DSE: variants seen among roughly 807,000 people sequenced by gnomAD.
DSE encodes dermatan-sulfate epimerase.
In DSE, 36 loss-of-function variants were observed where a neutral mutation model predicts 84.4. The ratio of observed to expected loss-of-function variants is 0.43; its 90% CI spans 0.33 to 0.56. The LOEUF (loss-of-function observed/expected upper bound fraction) is 0.56. DSE is among the 20% of genes least tolerant of loss of function. The pLI is 0.06. For missense variants in DSE, 862 were observed against 1,169.6 expected, an observed-to-expected ratio of 0.74 and a Z score of 3.84; for synonymous variants, 410 against 430.1, an observed-to-expected ratio of 0.95 and a Z score of 0.58.
Position 116,438,077 on chromosome 6 carries a change from A to ATAACT in DSE, c.*735_*736insCTTAA, listed in dbSNP as rs4031589. 0.74 allele frequency: 112,333 copies of ATAACT among 151,798 alleles called. 42,029 individuals are homozygous for ATAACT. Among genetic ancestry groups the ATAACT allele is most frequent in the African/African-American group, 0.8 (32,883 of 41,268 alleles). The allele number at this position is 151,798 out of a possible 1,614,324, so 9.4% of individuals were successfully genotyped here. A position where few individuals can be genotyped will look rare whatever the true frequency, so the allele number is the denominator to read the frequency against. The stretch of plus-strand genomic sequence containing the variant: ...TGTTCAATAAGTGAGATGATTACAG[A>ATAACT]TAATACTGTATTTTCCTTATATGGA... On this transcript the variant is annotated 3_prime_UTR_variant, in exon 6 of 6. Coordinates refer to ENST00000644252, the MANE Select transcript of DSE (RefSeq NM_013352.4).
chr6:116,428,901 T>C (rs1328823370), intron 3 of DSE, among the ~76,000 whole-genome samples: 1 of 152,094 alleles, frequency 6.6e-6, no homozygotes, highest in Non-Finnish European at 1.5e-5. Context: ...AAATACAGGG[T>C]ATAGCTTCAA....
chr6:116,315,622 A>G (rs1583002482), intron 2 of DSE, among the ~76,000 whole-genome samples: 1 of 152,314 alleles, frequency 6.6e-6, no homozygotes, highest in East Asian at 1.9e-4. Context: ...ACCGTGTTAT[A>G]CTGACTAAAA....
At chr6:116,373,167 A>G (rs1485918608) in intron 1 of DSE, among the ~76,000 whole-genome samples, 102 of 152,302 alleles carry the variant, frequency 6.7e-4, no homozygotes, top group Non-Finnish European at 2.2e-4. Flanking sequence ...AGCCTGGCCA[A>G]TATGGTGAAA....
intron 2 of DSE, among the ~76,000 whole-genome samples, chr6:116,331,246 A>G (rs921242693): frequency 6.6e-6 from 1 of 152,230 alleles, no homozygotes; most frequent in African/African-American, 2.4e-5. Context: ...TGCTGCTATG[A>G]TGAAATACCC....
At position 116,364,777 on chromosome 6, in the gene DSE, A is replaced by G. The variant is rs192848591; in HGVS notation, c.-53-34421A>G. On this transcript the variant is annotated intron_variant, in intron 2 of 3. Transcript: ENST00000430252. ...AAACCAGAAGAAATGTGGCAAATAA[A>G]CATATTCTCTAATTAATACTTCCTT... is the stretch of plus-strand genomic sequence containing the variant. Among the ~76,000 whole-genome samples the G allele has an allele frequency of 1.6e-3, 245 of 152,286 alleles. 1 individual carries two copies. The highest frequency in any genetic ancestry group is 5.5e-3 in the African/African-American group (227 of 41,550).
At chr6:116,279,306 C>CACT (rs760200210) in intron 2 of DSE, 4 of 1,610,326 alleles carry the variant, frequency 2.5e-6, no homozygotes, top group South Asian at 2.2e-5. Context: ...CTTCCTTCAC[C>CACT]ACCTCAGCGC....
intron 2 of DSE, among the ~76,000 whole-genome samples, chr6:116,300,198 T>C (rs1289488477): frequency 2.6e-5 from 4 of 152,192 alleles, no homozygotes; most frequent in South Asian, 2.1e-4. Flanking sequence ...CATAGTACTT[T>C]AGAACCCAAA....
intron 2 of DSE, among the ~76,000 whole-genome samples, chr6:116,261,308 A>G (rs1471123353): frequency 6.6e-6 from 1 of 152,012 alleles, no homozygotes; most frequent in African/African-American, 2.4e-5. Flanking sequence ...GTTCACCGCA[A>G]GCTCTGCCTC....
At chr6:116,285,624 G>T (rs1410141905) in intron 2 of DSE, among the ~76,000 whole-genome samples, 1 of 152,112 alleles carries the variant, frequency 6.6e-6, no homozygotes, top group South Asian at 2.1e-4. Context: ...GTATTGCCTA[G>T]GTTTTCTTCT....
intron 2 of DSE, among the ~76,000 whole-genome samples, chr6:116,305,471 G>A (rs1297669984): frequency 1.3e-5 from 2 of 152,184 alleles, no homozygotes; most frequent in East Asian, 3.8e-4. Flanking sequence ...GCAAGAAAGT[G>A]AAATGCAATA....
At chr6:116,371,282 G>C (rs1051469143) in intron 1 of DSE, among the ~76,000 whole-genome samples, 161 bp downstream of exon 1, 3 of 152,224 alleles carry the variant, frequency 2.0e-5, no homozygotes, top group Non-Finnish European at 4.4e-5. Flanking sequence ...GCCCGGGCCC[G>C]GCTCGGCTGG....
intron 2 of DSE, among the ~76,000 whole-genome samples, chr6:116,284,869 A>G (rs1405789085): frequency 6.6e-6 from 1 of 152,132 alleles, no homozygotes; most frequent in African/African-American, 2.4e-5. Flanking sequence ...TTATGGCTGC[A>G]CAGTATTCCA....
intron 2 of DSE, among the ~76,000 whole-genome samples, chr6:116,259,913 C>T (rs1228519843): frequency 6.6e-6 from 1 of 152,228 alleles, no homozygotes; most frequent in Admixed American, 6.5e-5. Flanking sequence ...AGGTTGATTC[C>T]ATGGCTTTGC....
intron 2 of DSE, among the ~76,000 whole-genome samples, chr6:116,328,353 A>G (rs1171074034): frequency 2.0e-5 from 3 of 152,224 alleles, no homozygotes; most frequent in African/African-American, 7.2e-5. Flanking sequence ...TGAGATTCAC[A>G]TTATGAGTCA....
upstream of DSE, among the ~76,000 whole-genome samples, chr6:116,367,850 A>G (rs1053923422): frequency 7.2e-5 from 11 of 152,224 alleles, no homozygotes; most frequent in African/African-American, 2.2e-4. Context: ...AGCTAGAATC[A>G]GCAGAGGGAG....
chr6:116,334,156 G>A (rs993201192), intron 2 of DSE, among the ~76,000 whole-genome samples: 6 of 152,092 alleles, frequency 3.9e-5, no homozygotes, highest in Non-Finnish European at 8.8e-5. Flanking sequence ...TTATCTTTGT[G>A]TCTCTGTATC....
chr6:116,344,092 T>C (rs1777790811), intron 2 of DSE, among the ~76,000 whole-genome samples: 1 of 151,734 alleles, frequency 6.6e-6, no homozygotes, highest in Non-Finnish European at 1.5e-5. Context: ...GAAAAAAGAG[T>C]AAAAAGAAAC....
chr6:116,315,513 C>T (rs1775919926), intron 2 of DSE, among the ~76,000 whole-genome samples: 2 of 152,014 alleles, frequency 1.3e-5, no homozygotes, highest in South Asian at 4.2e-4. Context: ...GAATGAAGTA[C>T]ATAGATTAAG....
At chr6:116,316,391 G>T (rs979359355) in intron 2 of DSE, among the ~76,000 whole-genome samples, 2 of 151,978 alleles carry the variant, frequency 1.3e-5, no homozygotes, top group African/African-American at 4.8e-5. Flanking sequence ...TAGACTGGCA[G>T]TAAACTCATA....
Sources: allele counts gnomAD v4.1 joint callset (sites outside exome capture counted in the v4.1 genomes callset), GRCh38; gene constraint gnomAD v4.1.1; transcripts MANE v1.5; gene names NCBI Gene and HGNC (gene_info 2026-07-23, HGNC 2026-07-21).